CFAP161: variants seen among roughly 807,000 people sequenced by gnomAD.
CFAP161 encodes the protein cilia and flagella associated protein 161, also known as cilia- and flagella-associated protein 161.
In CFAP161, 25 loss-of-function variants were observed where a neutral mutation model predicts 29.0. The observed-to-expected ratio is 0.86, with a 90% CI of 0.63 to 1.20. The LOEUF is 1.20. Ranked by LOEUF, CFAP161 falls within the 50% of genes most tolerant of loss-of-function variation. The probability of loss-of-function intolerance (pLI) is 0.00; values close to 1 mark genes in which losing one functional copy is unlikely to be tolerated. For missense variants in CFAP161, 367 were observed against 371.9 expected, an observed-to-expected ratio of 0.99 and a Z score of 0.11; for synonymous variants, 116 against 137.4, an observed-to-expected ratio of 0.84 and a Z score of 1.09.
Position 81,111,571 on chromosome 15 carries a change from C to T in CFAP161, c.-141-16019C>T, listed in dbSNP as rs578186314. 3.9e-5 allele frequency among the ~76,000 whole-genome samples: 6 copies of T among 152,336 alleles called. No homozygotes were observed. In the South Asian group the frequency reaches 1.2e-3, roughly 32 times the overall value. On this transcript the variant is annotated intron_variant, in intron 1 of 4. Transcript: ENST00000560091. Reference sequence around the variant, plus strand: ...CTACTCTCTGTCCCTTGTCAATTTCCTCTTCTGAAAGTTTCAGGGGCTCTC... The same window carrying T: ...CTACTCTCTGTCCCTTGTCAATTTCTTCTTCTGAAAGTTTCAGGGGCTCTC...
chr15:81,136,285 A>G lies in CFAP161; in HGVS notation c.160-231A>G, dbSNP rs58655790. ...TCAATGAATGTTGAATTTCTAGGAT[A>G]ATGAGTAAATCCATGTGATTTTAAC... On this transcript the variant is annotated intron_variant, in intron 2 of 6. Coordinates refer to ENST00000286732, the MANE Select transcript of CFAP161 (RefSeq NM_173528.4). Among the ~76,000 whole-genome samples the G allele has an allele frequency of 3.3e-3, 497 of 152,344 alleles. 3 individuals carry two copies. Among genetic ancestry groups the G allele is most frequent in the African/African-American group, 0.011 (475 of 41,578 alleles).
At chr15:81,136,381 G>A in intron 2 of CFAP161, 135 bp from the exon 3 acceptor site, 1 of 732,824 alleles carries the variant, frequency 1.4e-6, no homozygotes, top group East Asian at 2.7e-5. Context: ...AAGGAAGAAG[G>A]AACTAAGGGT....
At chr15:81,137,573 G>C (rs11636653) in intron 3 of CFAP161, among the ~76,000 whole-genome samples, 2 of 151,624 alleles carry the variant, frequency 1.3e-5, no homozygotes, top group Non-Finnish European at 2.9e-5. Context: ...TCCAGCCTGG[G>C]GGAAAAAAAA....
upstream of CFAP161, among the ~76,000 whole-genome samples, chr15:81,133,213 A>G (rs1300060442): frequency 8.0e-3 from 289 of 36,126 alleles, 13 homozygotes; most frequent in African/African-American, 0.026. Context: ...ATATATATAT[A>G]TATATATATA....
At chr15:81,111,318 T>C (rs2141863340) in intron 1 of CFAP161, among the ~76,000 whole-genome samples, 2 of 152,338 alleles carry the variant, frequency 1.3e-5, no homozygotes, top group Middle Eastern at 3.4e-3. Context: ...AATGAACAAT[T>C]GAAAGGATTT....
intron 1 of CFAP161, among the ~76,000 whole-genome samples, chr15:81,109,223 T>G (rs1460721406): frequency 6.6e-6 from 1 of 152,170 alleles, no homozygotes; most frequent in Non-Finnish European, 1.5e-5. Flanking sequence ...TGCCATGACT[T>G]TTGCTCTTGA....
At chr15:81,117,831 C>T (rs1894518705) in intron 1 of CFAP161, 1 of 339,714 alleles carries the variant, frequency 2.9e-6, no homozygotes, top group Non-Finnish European at 5.7e-6. Flanking sequence ...CATCCAACTC[C>T]TCTTCTTCAC....
At chr15:81,102,365 A>T (rs913890092) in intron 1 of CFAP161, among the ~76,000 whole-genome samples, 3 of 152,148 alleles carry the variant, frequency 2.0e-5, no homozygotes, top group African/African-American at 7.2e-5. Flanking sequence ...ATGTAAATCC[A>T]GTCATAGAAG....
At chr15:81,147,772 A>G (rs1382541305) in intron 5 of CFAP161, 86 bp from the exon 6 acceptor site, 5 of 865,422 alleles carry the variant, frequency 5.8e-6, no homozygotes, top group South Asian at 1.9e-5. Context: ...TATAATCCCA[A>G]ATTTTTGCTT....
At chr15:81,117,687 C>T (rs1247256972) in intron 1 of CFAP161, 1 of 287,766 alleles carries the variant, frequency 3.5e-6, no homozygotes, top group East Asian at 1.2e-4. Flanking sequence ...ACCTTTTCCG[C>T]TTTCTTCCTC....
At chr15:81,141,874 A>G (rs1894915959) in intron 4 of CFAP161, among the ~76,000 whole-genome samples, 2 of 152,156 alleles carry the variant, frequency 1.3e-5, no homozygotes, top group South Asian at 4.2e-4. Flanking sequence ...TAGTAGAGAC[A>G]GGGTTTCACC....
intron 1 of CFAP161, among the ~76,000 whole-genome samples, chr15:81,124,710 A>G (rs773764569): frequency 4.6e-5 from 7 of 152,078 alleles, no homozygotes; most frequent in Non-Finnish European, 5.9e-5. Context: ...CTATTCAGAG[A>G]TTCAGTTTCT....
chr15:81,122,495 CTTT>C (rs60283141), intron 1 of CFAP161, among the ~76,000 whole-genome samples: 5 of 138,412 alleles, frequency 3.6e-5, no homozygotes, highest in Admixed American at 7.2e-5. Flanking sequence ...TTCTTTCTTT[CTTT>C]TTTTTTTTTT....
intron 1 of CFAP161, among the ~76,000 whole-genome samples, chr15:81,122,211 A>G (rs1192334405): frequency 3.3e-5 from 5 of 152,264 alleles, no homozygotes; most frequent in East Asian, 1.9e-4. Flanking sequence ...AATGATTTCT[A>G]TTCCTTTGAG....
At chr15:81,133,545 G>C (rs960533142), upstream of CFAP161, among the ~76,000 whole-genome samples, 4 of 152,038 alleles carry the variant, frequency 2.6e-5, no homozygotes, top group African/African-American at 9.7e-5. Flanking sequence ...CAAGCCTCCG[G>C]TAGTCCTACA....
chr15:81,137,913 C>T, intron 3 of CFAP161, 138 bp from the exon 4 acceptor site: 1 of 628,780 alleles, frequency 1.6e-6, no homozygotes, highest in Admixed American at 3.1e-5. Flanking sequence ...ATTTAATTAC[C>T]TAATTCAGTT....
intron 1 of CFAP161, among the ~76,000 whole-genome samples, chr15:81,111,835 A>C (rs1370778621): frequency 6.6e-6 from 1 of 152,190 alleles, no homozygotes; most frequent in Non-Finnish European, 1.5e-5. Flanking sequence ...AAAGTCTCTG[A>C]GTCATTGTTC....
chr15:81,135,188 A>G, intron 1 of CFAP161, 82 bp from the exon 2 acceptor site: 3 of 1,002,474 alleles, frequency 3.0e-6, no homozygotes, highest in South Asian at 2.1e-5. Context: ...TGCTTTTTCA[A>G]CTTGGAAGAG....
At chr15:81,137,508 A>G (rs1459096676) in intron 3 of CFAP161, among the ~76,000 whole-genome samples, 3 of 152,192 alleles carry the variant, frequency 2.0e-5, no homozygotes, top group Admixed American at 6.5e-5. Flanking sequence ...AAGCATGAGA[A>G]TCACTTGAAC....
Sources: gnomAD v4.1 joint callset for allele counts (sites outside exome capture counted in the v4.1 genomes callset) on GRCh38, gnomAD v4.1.1 for gene constraint, MANE v1.5 for transcripts, NCBI Gene and HGNC (gene_info 2026-07-23, HGNC 2026-07-21) for gene names.